The following WDFY4 variants were observed in gnomAD, a reference collection of about 807,000 sequenced individuals.
The protein encoded by WDFY4 is WD repeat- and FYVE domain-containing protein 4.
A neutral mutation model predicts 351.9 loss-of-function variants in WDFY4; 169 were observed. That is an observed-to-expected ratio of 0.48 (90% confidence interval 0.42 to 0.55). The LOEUF is 0.55. Among genes scored for constraint, WDFY4 ranks in the 20% least tolerant of loss-of-function variants. The pLI is 0.00. For synonymous variants in WDFY4, 1,622 were observed against 1,574.6 expected (o/e 1.03, Z -0.71); for missense variants, 3,803 against 3,935.6 (o/e 0.97, Z 0.90).
At chr10:48,831,714 T>G (rs1282026805) in intron 38 of WDFY4, among the ~76,000 whole-genome samples, 1 of 152,210 alleles carries the variant, frequency 6.6e-6, no homozygotes, top group African/African-American at 2.4e-5. Context: ...GCTGGGAAGT[T>G]CAAAATCAAG....
intron 13 of WDFY4, among the ~76,000 whole-genome samples, chr10:48,770,186 C>T (rs1182046659): frequency 4.6e-5 from 7 of 152,332 alleles, no homozygotes; most frequent in African/African-American, 1.4e-4. Context: ...TTTCTCTCCT[C>T]CATTACGGGG....
intron 49 of WDFY4, among the ~76,000 whole-genome samples, chr10:48,944,540 G>C (rs1326305295): frequency 2.0e-5 from 3 of 152,254 alleles, no homozygotes; most frequent in Non-Finnish European, 4.4e-5. Flanking sequence ...GTTCAGATGA[G>C]CCTGGCCAGT....
intron 12 of WDFY4, among the ~76,000 whole-genome samples, chr10:48,748,268 G>T (rs992968526): frequency 6.6e-6 from 1 of 152,134 alleles, no homozygotes; most frequent in Non-Finnish European, 1.5e-5. Context: ...GTCTATGGAG[G>T]CTGAGCACTA....
At chr10:48,712,799 A>G (rs929261323) in intron 2 of WDFY4, among the ~76,000 whole-genome samples, 1 of 151,776 alleles carries the variant, frequency 6.6e-6, no homozygotes, top group Non-Finnish European at 1.5e-5. Flanking sequence ...AAGGTTTTCC[A>G]TGAAGTTCCC....
chr10:48,747,428 C>G (rs2065047798), intron 12 of WDFY4, among the ~76,000 whole-genome samples: 1 of 151,998 alleles, frequency 6.6e-6, no homozygotes, highest in South Asian at 2.1e-4. Context: ...AAATTATGAC[C>G]TCTTCTCCAT....
At position 48,900,208 on chromosome 10, in the gene WDFY4, C is replaced by T. The variant is rs574917264; in HGVS notation, c.7438-13C>T. 4.0e-5 allele frequency: 62 copies of T among 1,548,846 alleles called. No homozygotes were observed. The highest frequency in any genetic ancestry group is 5.1e-5 in the Non-Finnish European group (59 of 1,145,974). The stretch of plus-strand genomic sequence containing the variant: ...AAAATATCAGGAGCATTAAAAGGGG[C>T]TTCTCTTCACAGGACATCGCCCTGG... On this transcript the variant is annotated splice_polypyrimidine_tract_variant and intron_variant, in intron 45 of 61. Coordinates refer to ENST00000325239, the MANE Select transcript of WDFY4 (RefSeq NM_001394531.1).
At chr10:48,726,730 T>C (rs1589463435) in intron 6 of WDFY4, among the ~76,000 whole-genome samples, 1 of 152,240 alleles carries the variant, frequency 6.6e-6, no homozygotes, top group African/African-American at 2.4e-5. Context: ...GCGGCTCTTC[T>C]GAGTCCTTGC....
chr10:48,691,437 C>T (rs868457981), intron 1 of WDFY4, among the ~76,000 whole-genome samples: 6 of 152,186 alleles, frequency 3.9e-5, no homozygotes, highest in African/African-American at 1.4e-4. Context: ...CTCTGCCTGA[C>T]CATGCTGCTC....
chr10:48,735,675 A>T (rs532641790), intron 10 of WDFY4, among the ~76,000 whole-genome samples: 3 of 152,320 alleles, frequency 2.0e-5, no homozygotes, highest in East Asian at 1.9e-4. Context: ...TTTTTAAAAA[A>T]ATCATCAGAT....
intron 58 of WDFY4, among the ~76,000 whole-genome samples, chr10:48,976,090 C>T (rs917539940): frequency 6.6e-6 from 1 of 152,184 alleles, no homozygotes; most frequent in Non-Finnish European, 1.5e-5. Context: ...GACATGGCCT[C>T]TGGCCTCAGA....
chr10:48,976,939 G>A lies in WDFY4; in HGVS notation c.9251G>A (p.Ser3084Asn), dbSNP rs1842594157. ...ATGGAGGGCCCAGCATGGGACACAA[G>A]CCAGATCATCATCACCGGGAGTCAA... ...CLMEGPAWDT[S>N]QIIITGSQDG... is the part of the protein sequence containing the mutation. The change falls in exon 59 of 62, where the codon AGC becomes AAC. Residue 3084 changes from serine (S) to asparagine (N), a missense_variant. Physicochemically the swap from Ser to Asn is conservative, Grantham distance 46 (BLOSUM62 1). This residue lies in a region of WDFY4 where 3,054 missense variants were observed against 3,148.6 expected (regional missense o/e 0.97). Coordinates refer to ENST00000325239, the MANE Select transcript of WDFY4 (RefSeq NM_001394531.1). The A allele has an allele frequency of 2.0e-6, 3 of 1,512,294 alleles. No individual in the cohort carries two copies. The highest frequency in any genetic ancestry group is 2.7e-6 in the Non-Finnish European group (3 of 1,125,372). 93.7% of individuals were successfully genotyped at this position (1,512,294 alleles called of 1,614,324 possible).
chr10:48,744,840 G>A (rs1297828223), intron 12 of WDFY4, among the ~76,000 whole-genome samples: 3 of 152,138 alleles, frequency 2.0e-5, no homozygotes, highest in Non-Finnish European at 4.4e-5. Flanking sequence ...GTGGGCATCC[G>A]ACTGCTCACG....
chr10:48,936,038 G>C (rs921400482), intron 47 of WDFY4, among the ~76,000 whole-genome samples: 1 of 151,904 alleles, frequency 6.6e-6, no homozygotes, highest in Non-Finnish European at 1.5e-5. Flanking sequence ...GCAGAAATAA[G>C]AAATTGAAAT....
At chr10:48,959,654 T>C in intron 52 of WDFY4, 68 bp from the exon 53 acceptor site, 3 of 1,412,982 alleles carry the variant, frequency 2.1e-6, no homozygotes, top group Non-Finnish European at 2.9e-6. Context: ...GCAATGTGTA[T>C]TTTACATCCC....
chr10:48,770,423 A>G (rs1447469866), intron 13 of WDFY4, among the ~76,000 whole-genome samples: 1 of 152,216 alleles, frequency 6.6e-6, no homozygotes, highest in East Asian at 1.9e-4. Flanking sequence ...ATTTCTTTTT[A>G]ATTCTTTTGA....
intron 57 of WDFY4, among the ~76,000 whole-genome samples, chr10:48,973,183 C>G (rs1842409202): frequency 6.6e-6 from 1 of 152,192 alleles, no homozygotes; most frequent in African/African-American, 2.4e-5. Flanking sequence ...AGCCTTACAC[C>G]TGGGTTCCCT....
intron 47 of WDFY4, chr10:48,932,405 A>G (rs1449971478): frequency 6.6e-6 from 1 of 152,220 alleles, no homozygotes; most frequent in Non-Finnish European, 1.5e-5. Flanking sequence ...CTGACAAATT[A>G]TTAATACTAA....
intron 34 of WDFY4, among the ~76,000 whole-genome samples, chr10:48,821,903 G>A (rs1336164693): frequency 6.6e-6 from 1 of 152,242 alleles, no homozygotes; most frequent in African/African-American, 2.4e-5. Context: ...CTGGACCTGT[G>A]AGTAAGGACG....
intron 45 of WDFY4, 36 bp from the exon 46 acceptor site, chr10:48,900,185 A>G: frequency 6.5e-7 from 1 of 1,540,488 alleles, no homozygotes; most frequent in Non-Finnish European, 8.8e-7. Context: ...TAGTCCACAA[A>G]ATATCAGGAG....
Sources: gnomAD v4.1 joint callset for allele counts (sites outside exome capture counted in the v4.1 genomes callset) on GRCh38, gnomAD v4.1.1 for gene constraint, gnomAD v4.1.1 regional missense constraint, MANE v1.5 for transcripts, NCBI Gene and HGNC (gene_info 2026-07-23, HGNC 2026-07-21) for gene names.